The following ZBTB7C variants were observed in gnomAD, a reference collection of about 807,000 sequenced individuals.
ZBTB7C encodes zinc finger and BTB domain containing 7C.
In ZBTB7C, 8 loss-of-function variants were observed where a neutral mutation model predicts 25.7. The ratio of observed to expected loss-of-function variants is 0.31; its 90% CI spans 0.18 to 0.56. The LOEUF (loss-of-function observed/expected upper bound fraction) is 0.56, where lower values mean the gene tolerates loss of function less well. Ranked by LOEUF, ZBTB7C falls within the 20% of genes least tolerant of loss-of-function variation. The pLI is 0.91. For missense variants in ZBTB7C, 824 were observed against 855.2 expected, an observed-to-expected ratio of 0.96 and a Z score of 0.46; for synonymous variants, 394 against 369.0, an observed-to-expected ratio of 1.07 and a Z score of -0.78.
chr18:48,391,039 T>G (rs2047889397), intron 1 of ZBTB7C, among the ~76,000 whole-genome samples: 1 of 152,176 alleles, frequency 6.6e-6, no homozygotes, highest in African/African-American at 2.4e-5. Context: ...AATAACTAGT[T>G]GTATGGCTTA....
intron 2 of ZBTB7C, among the ~76,000 whole-genome samples, chr18:48,281,705 A>G (rs2044856910): frequency 6.6e-6 from 1 of 152,066 alleles, no homozygotes; most frequent in Non-Finnish European, 1.5e-5. Context: ...AAAACACATG[A>G]AAAAATGCTC....
intron 2 of ZBTB7C, among the ~76,000 whole-genome samples, chr18:48,205,502 TAGAC>T (rs776597365): frequency 3.3e-5 from 5 of 151,816 alleles, no homozygotes; most frequent in Non-Finnish European, 5.9e-5. Context: ...AGGAAGGAAA[TAGAC>T]AGTATTAATA....
intron 3 of ZBTB7C, among the ~76,000 whole-genome samples, chr18:48,103,020 ATATATTATATATATATATTT>A (rs1171948479): frequency 5.8e-4 from 86 of 147,818 alleles, no homozygotes; most frequent in Middle Eastern, 3.6e-3. Context: ...GAAGGTGTGG[ATATATTATATATATATATTT>A]TATATTATAT....
Position 48,300,834 on chromosome 18 carries a change from G to A in ZBTB7C, c.-79+37340C>T, listed in dbSNP as rs569820955. Reference sequence around the variant, plus strand: ...GGGACAACGAGAAGGACACTGCCAGGGCAGAGTGCATCAGAAGCCCATAGG... The same window carrying A: ...GGGACAACGAGAAGGACACTGCCAGAGCAGAGTGCATCAGAAGCCCATAGG... On this transcript the variant is annotated intron_variant, in intron 2 of 4. Transcript: ENST00000590800. 2.0e-5 allele frequency among the ~76,000 whole-genome samples: 3 copies of A among 152,388 alleles called. No homozygotes were observed. The South Asian group carries it at 6.2e-4, about 32-fold the overall frequency.
chr18:48,394,177 T>C (rs2047966512), intron 1 of ZBTB7C, among the ~76,000 whole-genome samples: 1 of 152,246 alleles, frequency 6.6e-6, no homozygotes, highest in Non-Finnish European at 1.5e-5. Flanking sequence ...GTGACCATTT[T>C]TAAAATGCAG....
chr18:48,401,100 A>C (rs1268641099), intron 1 of ZBTB7C, among the ~76,000 whole-genome samples: 2 of 152,190 alleles, frequency 1.3e-5, no homozygotes, highest in Admixed American at 6.5e-5. Context: ...GCACCCCTCA[A>C]GTGGTGCTAA....
intron 3 of ZBTB7C, among the ~76,000 whole-genome samples, chr18:48,127,612 C>T (rs1240105581): frequency 6.6e-6 from 1 of 152,244 alleles, no homozygotes; most frequent in Non-Finnish European, 1.5e-5. Context: ...CAGCATTTCT[C>T]CTCCCAGGGC....
chr18:48,251,147 T>C (rs550764236), intron 2 of ZBTB7C, among the ~76,000 whole-genome samples: 1 of 152,198 alleles, frequency 6.6e-6, no homozygotes, highest in East Asian at 1.9e-4. Context: ...TCACTTGAGC[T>C]GAGGAGGTTG....
intron 2 of ZBTB7C, among the ~76,000 whole-genome samples, chr18:48,219,267 G>T (rs1416482442): frequency 6.6e-6 from 1 of 152,140 alleles, no homozygotes; most frequent in Non-Finnish European, 1.5e-5. Flanking sequence ...TATGCTGCCG[G>T]CCCCTGCCCT....
intron 3 of ZBTB7C, among the ~76,000 whole-genome samples, chr18:48,172,606 T>G (rs1191346586): frequency 1.3e-5 from 2 of 152,202 alleles, no homozygotes; most frequent in Non-Finnish European, 2.9e-5. Flanking sequence ...CCCAAACACT[T>G]GACTGACGTG....
chr18:48,218,702 ACCTC>A (rs1221769831), intron 2 of ZBTB7C, among the ~76,000 whole-genome samples: 2 of 151,908 alleles, frequency 1.3e-5, no homozygotes, highest in African/African-American at 2.4e-5. Context: ...TGGCCTAAGA[ACCTC>A]CCTTTCATTC....
At chr18:48,032,530 G>A (rs1009091695) in intron 4 of ZBTB7C, among the ~76,000 whole-genome samples, 2 of 144,902 alleles carry the variant, frequency 1.4e-5, no homozygotes, top group Admixed American at 7.1e-5. Context: ...CGCATCCCGG[G>A]TTCACACAAT....
At chr18:48,054,549 G>A (rs1281155005) in intron 3 of ZBTB7C, among the ~76,000 whole-genome samples, 2 of 152,154 alleles carry the variant, frequency 1.3e-5, no homozygotes, top group African/African-American at 4.8e-5. Context: ...TTAGAGACGA[G>A]GTCCAGCCAG....
intron 3 of ZBTB7C, among the ~76,000 whole-genome samples, chr18:48,072,034 C>A (rs2037561564): frequency 6.6e-6 from 1 of 152,190 alleles, no homozygotes; most frequent in African/African-American, 2.4e-5. Flanking sequence ...TTGCATTACA[C>A]TGTGAATACA....
intron 4 of ZBTB7C, among the ~76,000 whole-genome samples, chr18:48,033,529 A>T (rs577753285): frequency 2.6e-5 from 4 of 152,138 alleles, no homozygotes; most frequent in African/African-American, 9.7e-5. Context: ...CCTAATGGAG[A>T]CATTTGTGGG....
At chr18:48,195,062 T>C (rs2042286382) in intron 2 of ZBTB7C, among the ~76,000 whole-genome samples, 1 of 152,200 alleles carries the variant, frequency 6.6e-6, no homozygotes, top group South Asian at 2.1e-4. Flanking sequence ...TTCTAGGAGC[T>C]AAAGCCCTGG....
At chr18:48,403,873 T>C (rs959225273) in intron 1 of ZBTB7C, among the ~76,000 whole-genome samples, 3 of 151,142 alleles carry the variant, frequency 2.0e-5, no homozygotes, top group African/African-American at 7.3e-5. Context: ...AAAAGAGAGA[T>C]AATAAACAGG....
intron 1 of ZBTB7C, among the ~76,000 whole-genome samples, chr18:48,367,127 CT>C (rs1267174857): frequency 1.4e-5 from 2 of 141,844 alleles, no homozygotes; most frequent in Admixed American, 1.4e-4. Flanking sequence ...GCTTCCCCTT[CT>C]GGGAAGATGA....
intron 1 of ZBTB7C, among the ~76,000 whole-genome samples, chr18:48,359,061 C>T (rs1286408059): frequency 6.6e-6 from 1 of 152,140 alleles, no homozygotes; most frequent in African/African-American, 2.4e-5. Context: ...ATGCTCTGAC[C>T]TGGAAGTGAA....
Sources: gnomAD v4.1 joint callset for allele counts (sites outside exome capture counted in the v4.1 genomes callset) on GRCh38, gnomAD v4.1.1 for gene constraint, MANE v1.5 for transcripts, NCBI Gene and HGNC (gene_info 2026-07-23, HGNC 2026-07-21) for gene names.